The following CAD variants were observed in gnomAD, a reference collection of about 807,000 sequenced individuals.
CAD encodes multifunctional protein CAD.
In CAD, 81 loss-of-function variants were observed where a neutral mutation model predicts 237.2. The observed-to-expected ratio is 0.34, with a 90% CI of 0.29 to 0.41. The LOEUF (loss-of-function observed/expected upper bound fraction) is 0.41, where lower values mean the gene tolerates loss of function less well. Among genes scored for constraint, CAD ranks in the 10% least tolerant of loss-of-function variants. CAD has a pLI of 1.00. For missense variants in CAD, 2,181 were observed against 2,951.7 expected, an observed-to-expected ratio of 0.74 and a Z score of 6.05; for synonymous variants, 1,196 against 1,162.8, an observed-to-expected ratio of 1.03 and a Z score of -0.58.
chr2:27,225,645 A>T lies in CAD; in HGVS notation c.1621-60A>T, dbSNP rs73921478. On this transcript the variant is annotated intron_variant, in intron 11 of 43. Transcript: ENST00000264705. ...TTCTTTATATCTTTTTTTATGTGGG[A>T]CAGGCACACCTTGGACAGTAGGAAA... 0.05 allele frequency: 62,508 copies of T among 1,243,276 alleles called. 1,869 individuals carry two copies. Among genetic ancestry groups the T allele is most frequent in the African/African-American group, 0.11 (7,351 of 66,824 alleles). The allele number at this position is 1,243,276 out of a possible 1,614,324, so 77.0% of individuals were successfully genotyped here.
intron 4 of CAD, 69 bp downstream of exon 4, chr2:27,222,405 G>A: frequency 6.3e-7 from 1 of 1,582,732 alleles, no homozygotes; most frequent in South Asian, 1.1e-5. Context: ...ACAATTGGGG[G>A]GTGAACACAG....
rs1676199284 is a variant in CAD, at chr2:27,239,617, T to G, written c.5395-80T>G. ...GGGGGCACAGCTCCCCCAAGGTGCT[T>G]TTTGTCCTTGCTGACATCTACCCCT... On this transcript the variant is annotated intron_variant, in intron 33 of 43. Coordinates refer to ENST00000264705, the MANE Select transcript of CAD (RefSeq NM_004341.5). This position sits in a 1 kb window ranked among gnomAD's most constrained non-coding sequence, Gnocchi z 4.0. The G allele has an allele frequency of 6.7e-7, 1 of 1,489,776 alleles. No homozygotes were observed. The highest frequency in any genetic ancestry group is 9.2e-7 in the Non-Finnish European group (1 of 1,087,558). The allele number at this position is 1,489,776 out of a possible 1,614,324, so 92.3% of individuals were successfully genotyped here. A position where few individuals can be genotyped will look rare whatever the true frequency, so the allele number is the denominator to read the frequency against.
chr2:27,229,107 C>CG (rs1254120773), intron 15 of CAD, among the ~76,000 whole-genome samples: 1 of 150,794 alleles, frequency 6.6e-6, no homozygotes, highest in Admixed American at 6.6e-5. Context: ...TTAGTAGAGA[C>CG]GGGGGTTTCA....
At position 27,238,000 on chromosome 2, in the gene CAD, T is replaced by G; in HGVS notation, c.4729-56T>G. ...GGGAGCTCCTGGGGACTCTGGGCTC[T>G]GATGAGCACAGTCAGAGATTCTGCA... On this transcript the variant is annotated intron_variant, in intron 29 of 43. Coordinates refer to ENST00000264705, the MANE Select transcript of CAD (RefSeq NM_004341.5). The surrounding 1 kb of genome is among the most constrained non-coding windows in gnomAD (Gnocchi z 4.0). 1 of 1,600,792 alleles carries G rather than the reference T, an allele frequency of 6.2e-7. No homozygotes were observed. The highest frequency in any genetic ancestry group is 8.5e-7 in the Non-Finnish European group (1 of 1,171,026).
chr2:27,219,612 TAG>T (rs1438454368), intron 2 of CAD, among the ~76,000 whole-genome samples: 1 of 151,998 alleles, frequency 6.6e-6, no homozygotes, highest in African/African-American at 2.4e-5. Flanking sequence ...TGCTTTGAGG[TAG>T]AGTTTCTTTC....
chr2:27,237,614 G>A lies in CAD; in HGVS notation c.4563+69G>A. 2 of 1,580,714 alleles carry A rather than the reference G, an allele frequency of 1.3e-6. No individual in the cohort carries two copies. Among genetic ancestry groups the A allele is most frequent in the South Asian group, 2.3e-5 (2 of 86,414 alleles). On this transcript the variant is annotated intron_variant, in intron 28 of 43. Transcript: ENST00000264705. The surrounding 1 kb of genome is among the most constrained non-coding windows in gnomAD (Gnocchi z 4.0). ...CTACCAGCCACCCTTGCTTCCCTGA[G>A]CCCTTTTCCTTCTGCCCCGCCCTAT...
chr2:27,232,995 T>C lies in CAD; in HGVS notation c.2893-47T>C, dbSNP rs377063087. On this transcript the variant is annotated intron_variant, in intron 18 of 43. Transcript: ENST00000264705. The surrounding 1 kb of genome is among the most constrained non-coding windows in gnomAD (Gnocchi z 4.1). ...AGTTTCTCCACGATTTTCTCCACGA[T>C]TTTCCTCCCACCTGACTGCTAAGTA... 3 of 1,273,652 alleles carry C rather than the reference T, an allele frequency of 2.4e-6. No homozygotes were observed. The highest frequency in any genetic ancestry group is 1.5e-5 in the African/African-American group (1 of 68,020). The allele number at this position is 1,273,652 out of a possible 1,614,324, so 78.9% of individuals were successfully genotyped here. A position where few individuals can be genotyped will look rare whatever the true frequency, so the allele number is the denominator to read the frequency against.
In CAD at chr2:27,226,280, G is replaced by A. The variant is rs1257625271; in HGVS notation, c.1992G>A (p.Glu664=). The change falls in exon 13 of 44, where the codon GAG becomes GAA. Residue 664 remains glutamate, a synonymous_variant. Transcript: ENST00000264705. ...CCCAGCACCTGGGAATTGTTGGGGA[G>A]TGCAATGTGCAGTATGCCTTGAACC... is the stretch of plus-strand genomic sequence containing the variant. ...KVTQHLGIVG[E]CNVQYALNPE... is the part of the protein sequence containing the mutation. The A allele has an allele frequency of 2.5e-6, 4 of 1,614,214 alleles. No homozygotes were observed. The highest frequency in any genetic ancestry group is 1.7e-5 in the Admixed American group (1 of 60,026).
chr2:27,242,586 TG>T lies in CAD; in HGVS notation c.6223-31del. 1 of 1,572,478 alleles carries T rather than the reference TG, an allele frequency of 6.4e-7. No individual in the cohort carries two copies. Among genetic ancestry groups the T allele is most frequent in the Non-Finnish European group, 8.7e-7 (1 of 1,155,238 alleles). ...AAATGATGTCGGGGGGCACTCAGTC[TG>T]GGATCCCTGTGGTGACTGGATTCCT... On this transcript the variant is annotated intron_variant, in intron 40 of 43. Coordinates refer to ENST00000264705, the MANE Select transcript of CAD (RefSeq NM_004341.5). The surrounding 1 kb of genome is among the most constrained non-coding windows in gnomAD (Gnocchi z 6.4).
rs370777547 is a variant in CAD at position 27,233,149 on chromosome 2, G to A, written c.2991+9G>A. On this transcript the variant is annotated intron_variant, in intron 19 of 43. Coordinates refer to ENST00000264705, the MANE Select transcript of CAD (RefSeq NM_004341.5). The surrounding 1 kb of genome is among the most constrained non-coding windows in gnomAD (Gnocchi z 6.3). ...ATGAGATCTCTTTTGAGGTGAGGGA[G>A]ATGGAGGCTTCCTGGTAGCTTGAGT... The A allele has an allele frequency of 1.3e-6, 2 of 1,593,944 alleles. No individual in the cohort carries two copies. Among genetic ancestry groups the A allele is most frequent in the African/African-American group, 1.3e-5 (1 of 74,648 alleles).
In CAD at chr2:27,238,098, G is replaced by T. The variant is rs1031988936; in HGVS notation, c.4771G>T (p.Ala1591Ser). The T allele has an allele frequency of 3.1e-6, 5 of 1,614,160 alleles. No individual in the cohort carries two copies. The highest frequency in any genetic ancestry group is 1.1e-5 in the South Asian group (1 of 91,088). The change falls in exon 30 of 44, where the codon GCA becomes TCA. Residue 1591 changes from alanine (A) to serine (S), a missense_variant. This residue lies in a region of CAD where 478 missense variants were observed against 515.0 expected (regional missense o/e 0.93). Coordinates refer to ENST00000264705, the MANE Select transcript of CAD (RefSeq NM_004341.5). Reference protein sequence around the residue: ...WPSHLPIVAHAEQQTVAAVLM... With the variant: ...WPSHLPIVAHSEQQTVAAVLM... ...CTCCCACCTCCCCATTGTGGCTCACGCAGAGCAGCAAACCGTGGCTGCTGT... is the reference window on the plus strand; with the variant it reads ...CTCCCACCTCCCCATTGTGGCTCACTCAGAGCAGCAAACCGTGGCTGCTGT...
Position 27,242,574 on chromosome 2 carries a change from G to T in CAD, c.6223-46G>T. 1.3e-6 allele frequency: 2 copies of T among 1,563,590 alleles called. No individual in the cohort carries two copies. The highest frequency in any genetic ancestry group is 4.5e-5 in the East Asian group (2 of 44,326). ...TTAAAAGCTTGGAAATGATGTCGGGGGGCACTCAGTCTGGGATCCCTGTGG... is the reference window on the plus strand; with the variant it reads ...TTAAAAGCTTGGAAATGATGTCGGGTGGCACTCAGTCTGGGATCCCTGTGG... On this transcript the variant is annotated intron_variant, in intron 40 of 43. Coordinates refer to ENST00000264705, the MANE Select transcript of CAD (RefSeq NM_004341.5). This position sits in a 1 kb window ranked among gnomAD's most constrained non-coding sequence, Gnocchi z 6.4.
Position 27,239,171 on chromosome 2 carries a change from G to A in CAD, c.5192G>A (p.Arg1731Gln), listed in dbSNP as rs770332180. ...CTCAGCCTGGACGACCTGCTGCAGCGATTGCACCACAATCCTCGGCGCATC... is the reference window on the plus strand; with the variant it reads ...CTCAGCCTGGACGACCTGCTGCAGCAATTGCACCACAATCCTCGGCGCATC... The part of the protein sequence containing the change: ...GRLSLDDLLQ[R>Q]LHHNPRRIFH... The change falls in exon 32 of 44, where the codon CGA becomes CAA. Residue 1731 changes from arginine to glutamine, a missense_variant. By Grantham distance (43) the Arg-to-Gln change is conservative. Coordinates refer to ENST00000264705, the MANE Select transcript of CAD (RefSeq NM_004341.5). The surrounding 1 kb of genome is among the most constrained non-coding windows in gnomAD (Gnocchi z 4.0). 6 of 1,612,890 alleles carry A rather than the reference G, an allele frequency of 3.7e-6. No individual in the cohort carries two copies. The African/African-American group carries it at 4.0e-5, about 11-fold the overall frequency.
rs926602883 is a variant in CAD at position 27,236,628 on chromosome 2, G to T, written c.4314+105G>T. 7 of 1,561,744 alleles carry T rather than the reference G, an allele frequency of 4.5e-6. No individual in the cohort carries two copies. The highest frequency in any genetic ancestry group is 1.8e-6 in the Non-Finnish European group (2 of 1,137,556). ...GCCATGCTAGTAATAAAGCTTTGTG[G>T]CTACAGAGGGAGAGATGGTGGGTAT... On this transcript the variant is annotated intron_variant, in intron 26 of 43. Coordinates refer to ENST00000264705, the MANE Select transcript of CAD (RefSeq NM_004341.5). The surrounding 1 kb of genome is among the most constrained non-coding windows in gnomAD (Gnocchi z 4.1).
intron 2 of CAD, 107 bp downstream of exon 2, chr2:27,218,123 T>TA (rs1674962600): frequency 1.0e-6 from 1 of 966,698 alleles, no homozygotes; most frequent in African/African-American, 1.7e-5. Context: ...GCAGAAAACA[T>TA]ACCCACTGAA....
At chr2:27,230,343 A>G (rs2148073731) in intron 15 of CAD, among the ~76,000 whole-genome samples, 1 of 151,232 alleles carries the variant, frequency 6.6e-6, no homozygotes, top group South Asian at 2.1e-4. Flanking sequence ...GATGATATGT[A>G]AAACATACCT....
Position 27,238,466 on chromosome 2 carries a change from G to T in CAD, c.4896G>T (p.Leu1632Phe), listed in dbSNP as rs1338032696. The stretch of plus-strand genomic sequence containing the variant: ...TTAAAGCTGCAAAGGCACGGGGCTT[G>T]CCAGTGACCTGCGAGGTGGCTCCCC... ...LLIKAAKARG[L>F]PVTCEVAPHH... Residue 1632 changes from leucine to phenylalanine, a missense_variant, in exon 31 of 44, where the codon TTG becomes TTT. By Grantham distance (22) the Leu-to-Phe change is conservative (BLOSUM62 0). Around this residue, in one of 12 missense-constraint regions of CAD, gnomAD observed 478 missense variants for 515.0 expected, o/e 0.93. Transcript: ENST00000264705. 1 of 1,602,842 alleles carries T rather than the reference G, an allele frequency of 6.2e-7. No individual in the cohort carries two copies. Among genetic ancestry groups the T allele is most frequent in the African/African-American group, 1.3e-5 (1 of 74,570 alleles).
At chr2:27,238,714 C>A in intron 31 of CAD, 82 bp downstream of exon 31, 1 of 1,300,806 alleles carries the variant, frequency 7.7e-7, no homozygotes, top group Non-Finnish European at 1.1e-6. Context: ...GCAGGCCAGG[C>A]CTCAGGACTC....
chr2:27,242,274 A>C lies in CAD; in HGVS notation c.6097-28A>C. On this transcript the variant is annotated intron_variant, in intron 39 of 43. Coordinates refer to ENST00000264705, the MANE Select transcript of CAD (RefSeq NM_004341.5). The surrounding 1 kb of genome is among the most constrained non-coding windows in gnomAD (Gnocchi z 6.4). ...GCAGTTGGGGGGCCTCTGAGCTGCA[A>C]AAGACAGGATTTTCCCCTTTTTTCC... 1 of 1,598,174 alleles carries C rather than the reference A, an allele frequency of 6.3e-7. No individual in the cohort carries two copies. Among genetic ancestry groups the C allele is most frequent in the South Asian group, 1.1e-5 (1 of 89,758 alleles).
Sources: gnomAD v4.1 joint callset for allele counts (sites outside exome capture counted in the v4.1 genomes callset) on GRCh38, gnomAD v4.1.1 for gene constraint, gnomAD v4.1.1 regional missense constraint, Gnocchi (gnomAD v3.1) non-coding constraint, MANE v1.5 for transcripts, NCBI Gene and HGNC (gene_info 2026-07-23, HGNC 2026-07-21) for gene names.